SDCCAG8: variants seen among roughly 807,000 people sequenced by gnomAD.
SDCCAG8 encodes serologically defined colon cancer antigen 8.
A neutral mutation model predicts 101.8 loss-of-function variants in SDCCAG8; 74 were observed. That is an observed-to-expected ratio of 0.73 (90% CI 0.60 to 0.88). The LOEUF (loss-of-function observed/expected upper bound fraction) is 0.88, where lower values mean the gene tolerates loss of function less well. SDCCAG8 is among the 40% of genes least tolerant of loss of function. SDCCAG8 has a pLI of 0.00. For synonymous variants in SDCCAG8, 281 were observed against 292.9 expected (o/e 0.96, Z 0.41); for missense variants, 787 against 822.6 (o/e 0.96, Z 0.53).
In SDCCAG8 at chr1:243,446,228, A is replaced by C. The variant is rs189066685; in HGVS notation, c.1985+19670A>C. The stretch of plus-strand genomic sequence containing the variant: ...AAGATGTATAACATAATAACTGGTT[A>C]AGAAGAATGTGCATTGCATTCTCCA... On this transcript the variant is annotated intron_variant, in intron 16 of 17. Transcript: ENST00000366541. 4.6e-5 allele frequency among the ~76,000 whole-genome samples: 7 copies of C among 152,350 alleles called. No individual in the cohort carries two copies. In the East Asian group the frequency reaches 1.4e-3, roughly 29 times the overall value.
intron 16 of SDCCAG8, among the ~76,000 whole-genome samples, chr1:243,473,949 T>C (rs1264235265): frequency 8.9e-6 from 1 of 112,952 alleles, no homozygotes; most frequent in Admixed American, 1.0e-4. Context: ...GCCGGGGGAG[T>C]ACTTCTTTGA....
chr1:243,450,538 G>A (rs745726009), intron 16 of SDCCAG8, among the ~76,000 whole-genome samples: 67 of 152,194 alleles, frequency 4.4e-4, no homozygotes, highest in Non-Finnish European at 7.6e-4. Context: ...TTCTTGTCTC[G>A]TGGGAAAGCA....
At chr1:243,269,601 T>C (rs962735582) in intron 1 of SDCCAG8, among the ~76,000 whole-genome samples, 1 of 151,896 alleles carries the variant, frequency 6.6e-6, no homozygotes, top group African/African-American at 2.4e-5. Flanking sequence ...AGGCCAGACA[T>C]GTGGATGTCT....
chr1:243,401,581 T>A (rs1298664787), intron 13 of SDCCAG8, among the ~76,000 whole-genome samples: 1 of 152,222 alleles, frequency 6.6e-6, no homozygotes, highest in Non-Finnish European at 1.5e-5. Context: ...ATTCACTTAT[T>A]AGGAAGGAGT....
intron 12 of SDCCAG8, among the ~76,000 whole-genome samples, chr1:243,371,946 G>T (rs752484879): frequency 2.0e-5 from 3 of 152,016 alleles, no homozygotes; most frequent in Non-Finnish European, 2.9e-5. Flanking sequence ...AATTTAAATA[G>T]CCAAAGCAAG....
At chr1:243,373,355 G>T (rs2077415163) in intron 12 of SDCCAG8, among the ~76,000 whole-genome samples, 1 of 152,112 alleles carries the variant, frequency 6.6e-6, no homozygotes, top group Admixed American at 6.6e-5. Flanking sequence ...CTAAGGTGAT[G>T]TATAGTTGTA....
intron 3 of SDCCAG8, among the ~76,000 whole-genome samples, chr1:243,273,357 C>T (rs1271284654): frequency 6.6e-6 from 1 of 151,990 alleles, no homozygotes; most frequent in Non-Finnish European, 1.5e-5. Flanking sequence ...TCCTGATTTC[C>T]TCATCCTTTA....
intron 12 of SDCCAG8, among the ~76,000 whole-genome samples, chr1:243,350,089 A>C (rs1228021299): frequency 1.3e-5 from 2 of 152,246 alleles, no homozygotes; most frequent in Non-Finnish European, 2.9e-5. Flanking sequence ...GTAAGGACAC[A>C]GGAATTATCG....
chr1:243,294,701 C>G (rs993299946), intron 6 of SDCCAG8, among the ~76,000 whole-genome samples: 3 of 85,192 alleles, frequency 3.5e-5, no homozygotes, highest in Admixed American at 2.0e-4. Context: ...TAAATTCCCC[C>G]CCCCCCCCAC....
intron 6 of SDCCAG8, among the ~76,000 whole-genome samples, chr1:243,294,751 A>G (rs2070701098): frequency 6.7e-6 from 1 of 148,294 alleles, no homozygotes; most frequent in Admixed American, 6.8e-5. Context: ...AGCGTCAAAA[A>G]CAATTCTATT....
intron 10 of SDCCAG8, among the ~76,000 whole-genome samples, chr1:243,334,581 G>GTTGTTTGT (rs547764532): frequency 2.0e-5 from 3 of 152,056 alleles, no homozygotes; most frequent in African/African-American, 4.8e-5. Flanking sequence ...ATTCTTCAGA[G>GTTGTTTGT]TTGTTTGTTT....
At chr1:243,468,539 C>T (rs537203696) in intron 16 of SDCCAG8, among the ~76,000 whole-genome samples, 2 of 152,120 alleles carry the variant, frequency 1.3e-5, no homozygotes, top group South Asian at 2.1e-4. Context: ...TTTTAAAATG[C>T]GGCCAGGTGC....
chr1:243,293,878 C>A (rs190392713), intron 6 of SDCCAG8, among the ~76,000 whole-genome samples: 1 of 152,166 alleles, frequency 6.6e-6, no homozygotes, highest in African/African-American at 2.4e-5. Flanking sequence ...TTTTAATTGT[C>A]GTTTCTTAAA....
chr1:243,420,594 A>T (rs1012011132), intron 15 of SDCCAG8, among the ~76,000 whole-genome samples: 1 of 152,196 alleles, frequency 6.6e-6, no homozygotes, highest in Non-Finnish European at 1.5e-5. Flanking sequence ...CTAAGTTTAC[A>T]ATTTGACTCA....
Position 243,341,153 on chromosome 1 carries a change from C to T in SDCCAG8, c.1336C>T (p.Arg446Trp), listed in dbSNP as rs769286565. Residue 446 changes from arginine to tryptophan, a missense_variant, in exon 11 of 18, where the codon CGG becomes TGG. Arg to Trp is a moderately radical substitution (Grantham distance 101). Coordinates refer to ENST00000366541, the MANE Select transcript of SDCCAG8 (RefSeq NM_006642.5). Reference protein sequence around the residue: ...LEEIQSQLASREMDVTKVCGE... With the variant: ...LEEIQSQLASWEMDVTKVCGE... ...GGAAATTCAAAGCCAGCTGGCTTCT[C>T]GGGAAATGGATGTCACAAAGGTACA... 8 of 1,613,840 alleles carry T rather than the reference C, an allele frequency of 5.0e-6. No homozygotes were observed. The highest frequency in any genetic ancestry group is 2.2e-5 in the East Asian group (1 of 44,880).
chr1:243,483,156 TG>T (rs888921812), intron 16 of SDCCAG8, among the ~76,000 whole-genome samples: 1 of 150,686 alleles, frequency 6.6e-6, no homozygotes, highest in Non-Finnish European at 1.5e-5. Flanking sequence ...GTGAGGGGGG[TG>T]AAGGTCGCAG....
intron 15 of SDCCAG8, among the ~76,000 whole-genome samples, chr1:243,423,460 A>G (rs979854064): frequency 2.0e-5 from 3 of 152,092 alleles, no homozygotes; most frequent in Non-Finnish European, 4.4e-5. Flanking sequence ...ACATTTTTCT[A>G]TATCAGTAAA....
chr1:243,492,147 A>G (rs1666585976), intron 17 of SDCCAG8, among the ~76,000 whole-genome samples: 1 of 151,596 alleles, frequency 6.6e-6, no homozygotes, highest in African/African-American at 2.4e-5. Context: ...CACTCACAAC[A>G]ACATGGCTGG....
intron 16 of SDCCAG8, chr1:243,475,922 C>G: frequency 1.0e-6 from 1 of 985,236 alleles, no homozygotes. Flanking sequence ...TATTCCTTCT[C>G]CCCCACAGTG....
Sources: allele counts gnomAD v4.1 joint callset (sites outside exome capture counted in the v4.1 genomes callset), GRCh38; gene constraint gnomAD v4.1.1; transcripts MANE v1.5; gene names NCBI Gene and HGNC (gene_info 2026-07-23, HGNC 2026-07-21).